Variants in INTS7 observed in about 807,000 individuals in gnomAD.
INTS7 encodes the protein chromosome 1 open reading frame 73.
In INTS7, 46 loss-of-function variants were observed where a neutral mutation model predicts 109.2. The ratio of observed to expected loss-of-function variants is 0.42; its 90% CI spans 0.33 to 0.54. The LOEUF is 0.54. INTS7 is among the 20% of genes least tolerant of loss of function. The pLI is 0.07. For synonymous variants in INTS7, 412 were observed against 402.9 expected, an observed-to-expected ratio of 1.02 and a Z score of -0.27; for missense variants, 929 against 1,132.4, an observed-to-expected ratio of 0.82 and a Z score of 2.58.
chr1:211,963,996 A>T (rs1279967253), intron 16 of INTS7, among the ~76,000 whole-genome samples: 2 of 152,188 alleles, frequency 1.3e-5, no homozygotes, highest in Admixed American at 1.3e-4. Context: ...TGGCCAGAGC[A>T]ATCAGGTGAG....
chr1:211,943,642 G>C (rs961164079), intron 19 of INTS7, among the ~76,000 whole-genome samples: 1 of 152,216 alleles, frequency 6.6e-6, no homozygotes, highest in African/African-American at 2.4e-5. Context: ...AGAGTGGACA[G>C]AGTGCCAAAG....
intron 16 of INTS7, among the ~76,000 whole-genome samples, chr1:211,960,057 T>C (rs965662133): frequency 2.0e-5 from 3 of 152,138 alleles, no homozygotes; most frequent in African/African-American, 7.2e-5. Flanking sequence ...GCACCACCCA[T>C]TGGAGTGTAG....
chr1:212,014,125 TCTA>T (rs1388365421), intron 4 of INTS7, among the ~76,000 whole-genome samples: 1 of 152,128 alleles, frequency 6.6e-6, no homozygotes, highest in East Asian at 1.9e-4. Flanking sequence ...CTTTCTATTA[TCTA>T]CTTTTTCAGT....
At chr1:211,967,156 AG>A (rs1663923903) in intron 15 of INTS7, among the ~76,000 whole-genome samples, 1 of 152,194 alleles carries the variant, frequency 6.6e-6, no homozygotes, top group Admixed American at 6.5e-5. Flanking sequence ...TGGAGAACTT[AG>A]GAAGGGTTTA....
intron 16 of INTS7, among the ~76,000 whole-genome samples, chr1:211,957,572 C>T (rs918505721): frequency 2.6e-5 from 4 of 151,972 alleles, no homozygotes; most frequent in Admixed American, 6.6e-5. Context: ...ATCGGATTGT[C>T]GAGTTGTATG....
chr1:212,021,320 T>C (rs1011185346), intron 1 of INTS7, 108 bp from the exon 2 acceptor site: 2 of 942,454 alleles, frequency 2.1e-6, no homozygotes, highest in Admixed American at 2.9e-5. Flanking sequence ...TAATCATTCT[T>C]AAGAAGCAGG....
Position 211,946,955 on chromosome 1 carries a change from CCAAG to C in INTS7, c.2317-254_2317-251del, listed in dbSNP as rs144128491. Reference sequence around the variant, plus strand: ...ATGAGAAAATCCACAGTCCTCGAGGCCAAGCAATAGGCAAATTCCACATTTCTAC... The same window carrying C: ...ATGAGAAAATCCACAGTCCTCGAGGCCAATAGGCAAATTCCACATTTCTAC... On this transcript the variant is annotated intron_variant, in intron 17 of 19. Coordinates refer to ENST00000366994, the MANE Select transcript of INTS7 (RefSeq NM_015434.4). This position sits in a 1 kb window ranked among gnomAD's most constrained non-coding sequence, Gnocchi z 4.3. Among the ~76,000 whole-genome samples the C allele has an allele frequency of 0.045, 6,800 of 152,184 alleles. 206 individuals carry two copies. Among genetic ancestry groups the C allele is most frequent in the African/African-American group, 0.08 (3,302 of 41,526 alleles).
chr1:212,028,025 C>T (rs1414924453), intron 1 of INTS7, among the ~76,000 whole-genome samples: 1 of 152,160 alleles, frequency 6.6e-6, no homozygotes, highest in African/African-American at 2.4e-5. Flanking sequence ...CAGGATTTCA[C>T]CATGTTGGCC....
At chr1:211,948,613 T>C (rs555531772) in intron 17 of INTS7, among the ~76,000 whole-genome samples, 2 of 152,346 alleles carry the variant, frequency 1.3e-5, no homozygotes, top group East Asian at 1.9e-4. Context: ...TTGACCTCCA[T>C]AGGTGTATTA....
intron 14 of INTS7, 127 bp from the exon 15 acceptor site, chr1:211,968,108 CTG>C: frequency 1.8e-6 from 1 of 543,426 alleles, no homozygotes; most frequent in Admixed American, 3.7e-5. Flanking sequence ...CATCTTTTCA[CTG>C]TCATTCCATT....
intron 5 of INTS7, among the ~76,000 whole-genome samples, chr1:212,008,411 T>G (rs1445480353): frequency 6.6e-6 from 1 of 152,192 alleles, no homozygotes; most frequent in Non-Finnish European, 1.5e-5. Flanking sequence ...CCTCTTTCTC[T>G]GGCTGTTCCT....
chr1:211,968,686 G>C lies in INTS7; in HGVS notation c.1837C>G (p.Pro613Ala). The change falls in exon 14 of 20, where the codon CCT becomes GCT. Residue 613 changes from proline to alanine, a missense_variant. Coordinates refer to ENST00000366994, the MANE Select transcript of INTS7 (RefSeq NM_015434.4). ...ACAAATTCACACTGAAAGCTTAAAGGATTCAGTGGTGTACTAGCTGCCTGG... is the reference window on the plus strand; with the variant it reads ...ACAAATTCACACTGAAAGCTTAAAGCATTCAGTGGTGTACTAGCTGCCTGG... ...SLTAASTPLNPLSFQCEFVKL... is the reference protein window; with the variant it reads ...SLTAASTPLNALSFQCEFVKL... 6.2e-7 allele frequency: 1 copy of C among 1,609,574 alleles called. No homozygotes were observed. Among genetic ancestry groups the C allele is most frequent in the Middle Eastern group, 1.7e-4 (1 of 6,048 alleles).
intron 1 of INTS7, 142 bp downstream of exon 1, chr1:212,035,202 C>A: frequency 1.5e-6 from 1 of 652,046 alleles, no homozygotes; most frequent in Non-Finnish European, 2.8e-6. Flanking sequence ...TCAAAGCCCA[C>A]GCCCCAGCAA....
At chr1:212,017,166 G>C (rs1666481334) in intron 3 of INTS7, 143 bp from the exon 4 acceptor site, 3 of 565,074 alleles carry the variant, frequency 5.3e-6, no homozygotes, top group Non-Finnish European at 8.9e-6. Flanking sequence ...CATAACTTTA[G>C]AAATCCATGA....
chr1:211,993,782 A>T (rs912564134), intron 7 of INTS7, among the ~76,000 whole-genome samples: 4 of 152,102 alleles, frequency 2.6e-5, no homozygotes, highest in African/African-American at 4.8e-5. Context: ...GCATCAAAAA[A>T]ATCTAAAGAA....
chr1:212,002,446 A>G (rs1303797839), intron 7 of INTS7, among the ~76,000 whole-genome samples: 3 of 152,206 alleles, frequency 2.0e-5, no homozygotes, highest in Non-Finnish European at 2.9e-5. Context: ...GTAAAAAGCT[A>G]AAGTCCTTAA....
chr1:211,944,902 G>A lies in INTS7; in HGVS notation c.2483C>T (p.Ala828Val), dbSNP rs763590060. The A allele has an allele frequency of 2.5e-6, 4 of 1,614,118 alleles. No individual in the cohort carries two copies. Among genetic ancestry groups the A allele is most frequent in the South Asian group, 2.2e-5 (2 of 91,076 alleles). ...PIAVQNNQQL[A>V]LKVEGVVQHG... ...CTGAACCACTCCCTCTACCTTTAGC[G>A]CCAGCTGCTGGTTATTCTGGACAGC... is the stretch of plus-strand genomic sequence containing the variant. Residue 828 changes from alanine (A) to valine (V), a missense_variant, in exon 19 of 20, where the codon GCG (alanine) becomes GTG (valine). By Grantham distance (64) the Ala-to-Val change is moderately conservative (BLOSUM62 0). This residue lies in a region of INTS7 where 787 missense variants were observed against 901.1 expected (regional missense o/e 0.87). Transcript: ENST00000366994.
intron 3 of INTS7, among the ~76,000 whole-genome samples, chr1:212,018,709 T>C (rs1294448374): frequency 6.6e-6 from 1 of 152,092 alleles, no homozygotes; most frequent in African/African-American, 2.4e-5. Flanking sequence ...ATGGATACTA[T>C]TTGACTACTT....
At chr1:211,988,982 A>C (rs1256818680) in intron 7 of INTS7, among the ~76,000 whole-genome samples, 1 of 152,192 alleles carries the variant, frequency 6.6e-6, no homozygotes, top group Non-Finnish European at 1.5e-5. Context: ...TTATCACATG[A>C]TTCTGTATCA....
Sources: allele counts gnomAD v4.1 joint callset (sites outside exome capture counted in the v4.1 genomes callset), GRCh38; gene constraint gnomAD v4.1.1; regional missense constraint gnomAD v4.1.1; non-coding constraint Gnocchi (gnomAD v3.1); transcripts MANE v1.5; gene names NCBI Gene and HGNC (gene_info 2026-07-23, HGNC 2026-07-21).